TBX18: variants seen among roughly 807,000 people sequenced by gnomAD.
TBX18 encodes the protein T-box transcription factor TBX18.
Under a neutral mutation model 55.0 loss-of-function variants are expected in TBX18, and 21 were observed. The ratio of observed to expected loss-of-function variants is 0.38; its 90% CI spans 0.27 to 0.55. TBX18 has a LOEUF of 0.55. Among genes scored for constraint, TBX18 ranks in the 20% least tolerant of loss-of-function variants. TBX18 has a pLI of 0.73. For synonymous variants in TBX18, 342 were observed against 326.1 expected (o/e 1.05, Z -0.53); for missense variants, 840 against 799.6 (o/e 1.05, Z -0.61).
rs760773362 is a variant in TBX18, at chr6:84,764,028, C to G, written c.154G>C (p.Asp52His). 1.3e-6 allele frequency: 2 copies of G among 1,555,616 alleles called. No homozygotes were observed. The highest frequency in any genetic ancestry group is 1.9e-5 in the Admixed American group (1 of 53,574). ...GAEEAAGAVD[D>H]GGCSRGGGAG... ...CCGCCGCCGCGGCTGCAGCCTCCGT[C>G]GTCCACGGCCCCCGCCGCCTCTTCG... Residue 52 changes from aspartate (D) to histidine (H), a missense_variant, in exon 1 of 8, where the codon GAC (aspartate) becomes CAC (histidine). Coordinates refer to ENST00000369663, the MANE Select transcript of TBX18 (RefSeq NM_001080508.3).
chr6:84,744,142 C>A, intron 6 of TBX18, 119 bp downstream of exon 6: 1 of 918,512 alleles, frequency 1.1e-6, no homozygotes, highest in South Asian at 1.7e-5. Context: ...CAACAGTCCT[C>A]ATCAGAAATG....
At chr6:84,763,065 C>T in intron 1 of TBX18, 1 of 464,238 alleles carries the variant, frequency 2.2e-6, no homozygotes, top group Non-Finnish European at 3.9e-6. Flanking sequence ...GGCTTCACGC[C>T]GCCGCCGGGG....
In TBX18 at chr6:84,737,150, C is replaced by A. The variant is rs921815575; in HGVS notation, c.1359G>T (p.Arg453Ser). 1.9e-6 allele frequency: 3 copies of A among 1,613,964 alleles called. No homozygotes were observed. The African/African-American group carries it at 4.0e-5, about 22-fold the overall frequency. ...TGCTCACGCCCACATAGGAGGGAGT[C>A]CTGGGCGGGGCAAAGGTCTCACCAG... Reference protein sequence around the residue: ...NQAGETFAPPRTPSYVGVSSS... With the variant: ...NQAGETFAPPSTPSYVGVSSS... The change falls in exon 8 of 8, where the codon AGG (arginine) becomes AGT (serine). Residue 453 changes from arginine (R) to serine (S), a missense_variant. By Grantham distance (110) the Arg-to-Ser change is moderately radical. Coordinates refer to ENST00000369663, the MANE Select transcript of TBX18 (RefSeq NM_001080508.3).
At position 84,764,463 on chromosome 6, in the gene TBX18, G is replaced by A. The variant is rs1767761676; in HGVS notation, c.-282C>T. On this transcript the variant is annotated 5_prime_UTR_variant, in exon 1 of 8. Coordinates refer to ENST00000369663, the MANE Select transcript of TBX18 (RefSeq NM_001080508.3). The stretch of plus-strand genomic sequence containing the variant: ...GCTCCCACCCCTTCCACCTCCTCCT[G>A]CTGCTCCGAGGTCTGCCTCAACTGA... 2.5e-6 allele frequency: 1 copy of A among 406,006 alleles called. No homozygotes were observed. Among genetic ancestry groups the A allele is most frequent in the Non-Finnish European group, 4.3e-6 (1 of 231,070 alleles). 25.2% of individuals were successfully genotyped at this position (406,006 alleles called of 1,614,324 possible). A position where few individuals can be genotyped will look rare whatever the true frequency, so the allele number is the denominator to read the frequency against.
intron 2 of TBX18, among the ~76,000 whole-genome samples, chr6:84,760,726 C>A (rs544952976): frequency 2.0e-5 from 3 of 152,132 alleles, no homozygotes; most frequent in African/African-American, 7.2e-5. Flanking sequence ...GGTAGAAATA[C>A]AAAATTTGGA....
intron 4 of TBX18, among the ~76,000 whole-genome samples, chr6:84,755,856 A>G (rs1562264776): frequency 6.6e-6 from 1 of 152,202 alleles, no homozygotes; most frequent in African/African-American, 2.4e-5. Flanking sequence ...GACAACTTAC[A>G]TTTTGTTTTA....
intron 4 of TBX18, among the ~76,000 whole-genome samples, chr6:84,754,327 A>G (rs181186698): frequency 6.6e-6 from 1 of 152,262 alleles, no homozygotes; most frequent in African/African-American, 2.4e-5. Flanking sequence ...TTTCCCTCCT[A>G]CATCCTCCTC....
Position 84,734,518 on chromosome 6 carries a change from T to C in TBX18, c.*2167A>G, listed in dbSNP as rs1410147041. The C allele has an allele frequency of 1.3e-5, 2 of 152,626 alleles. No individual in the cohort carries two copies. Among genetic ancestry groups the C allele is most frequent in the African/African-American group, 2.4e-5 (1 of 41,460 alleles). 9.5% of individuals were successfully genotyped at this position (152,626 alleles called of 1,614,324 possible). A position where few individuals can be genotyped will look rare whatever the true frequency, so the allele number is the denominator to read the frequency against. Reference sequence around the variant, plus strand: ...AGATATATAATTATCAATGTATGCATGTCATTTAATTCAGCAATAAAAGGC... The same window carrying C: ...AGATATATAATTATCAATGTATGCACGTCATTTAATTCAGCAATAAAAGGC... On this transcript the variant is annotated 3_prime_UTR_variant, in exon 8 of 8. Transcript: ENST00000369663.
intron 4 of TBX18, among the ~76,000 whole-genome samples, chr6:84,748,535 G>A (rs772528504): frequency 8.6e-5 from 13 of 152,044 alleles, no homozygotes; most frequent in Non-Finnish European, 1.3e-4. Context: ...TCCCCAGTTC[G>A]TGACTACATA....
In TBX18 at chr6:84,738,595, A is replaced by C. The variant is rs1418494623; in HGVS notation, c.1005-4T>G. 6.2e-7 allele frequency: 1 copy of C among 1,611,718 alleles called. No individual in the cohort carries two copies. Among genetic ancestry groups the C allele is most frequent in the South Asian group, 1.1e-5 (1 of 91,006 alleles). Reference sequence around the variant, plus strand: ...CACCAAGGCTTCCAAACCCATTCTAAATGGAAAGGGTCAGGATAGGGGTGG... The same window carrying C: ...CACCAAGGCTTCCAAACCCATTCTACATGGAAAGGGTCAGGATAGGGGTGG... On this transcript the variant is annotated splice_polypyrimidine_tract_variant and splice_region_variant and intron_variant, in intron 6 of 7. Coordinates refer to ENST00000369663, the MANE Select transcript of TBX18 (RefSeq NM_001080508.3).
At chr6:84,755,764 T>A (rs1767470610) in intron 4 of TBX18, among the ~76,000 whole-genome samples, 1 of 152,240 alleles carries the variant, frequency 6.6e-6, no homozygotes, top group African/African-American at 2.4e-5. Flanking sequence ...AGTACTGGAA[T>A]GTTCTCATTA....
At chr6:84,759,669 T>C (rs1767593422) in intron 3 of TBX18, among the ~76,000 whole-genome samples, 1 of 152,000 alleles carries the variant, frequency 6.6e-6, no homozygotes, top group Admixed American at 6.6e-5. Context: ...TTTTTAAAAG[T>C]TATAACACAT....
At chr6:84,758,407 CAAAA>C (rs1217785377) in intron 3 of TBX18, among the ~76,000 whole-genome samples, 2 of 86,134 alleles carry the variant, frequency 2.3e-5, no homozygotes. Flanking sequence ...GACTCCATCT[CAAAA>C]AAAAAAAAAA....
At chr6:84,754,181 G>T (rs1767425843) in intron 4 of TBX18, among the ~76,000 whole-genome samples, 1 of 152,140 alleles carries the variant, frequency 6.6e-6, no homozygotes, top group African/African-American at 2.4e-5. Context: ...ACCTGCCTCG[G>T]CCTCCCAAAG....
Position 84,760,270 on chromosome 6 carries a change from T to C in TBX18, c.584A>G (p.Asp195Gly), listed in dbSNP as rs1335488938. The C allele has an allele frequency of 3.1e-6, 5 of 1,593,898 alleles. No homozygotes were observed. Among genetic ancestry groups the C allele is most frequent in the Non-Finnish European group, 3.4e-6 (4 of 1,168,992 alleles). ...ATCACTGTACCTGTATCTTTTGTTGTCCACTGGTACAATATCCATGGCAAT... is the reference window on the plus strand; with the variant it reads ...ATCACTGTACCTGTATCTTTTGTTGCCCACTGGTACAATATCCATGGCAAT... Reference protein sequence around the residue: ...YYIAMDIVPVDNKRYRYVYHS... With the variant: ...YYIAMDIVPVGNKRYRYVYHS... The change falls in exon 3 of 8, where the codon GAC (aspartate) becomes GGC (glycine). Residue 195 changes from aspartate (D) to glycine (G), a missense_variant. Physicochemically the swap from Asp to Gly is moderately conservative, Grantham distance 94. Transcript: ENST00000369663.
At chr6:84,760,507 G>T in intron 2 of TBX18, 151 bp from the exon 3 acceptor site, 1 of 529,088 alleles carries the variant, frequency 1.9e-6, no homozygotes, top group Non-Finnish European at 3.3e-6. Flanking sequence ...AAGGAGTCAG[G>T]ACATAGAACA....
In TBX18 at chr6:84,733,753, G is replaced by A. The variant is rs1439036711; in HGVS notation, c.*2932C>T. The A allele has an allele frequency of 6.6e-6, 1 of 152,160 alleles. No individual in the cohort carries two copies. Among genetic ancestry groups the A allele is most frequent in the African/African-American group, 2.4e-5 (1 of 41,434 alleles). The allele number at this position is 152,160 out of a possible 1,614,324, so 9.4% of individuals were successfully genotyped here. ...CTGTTTATTAATTTCACACTAAGGT[G>A]TGAGTTACTGGTAGGATTAAGTCTG... On this transcript the variant is annotated 3_prime_UTR_variant, in exon 8 of 8. Coordinates refer to ENST00000369663, the MANE Select transcript of TBX18 (RefSeq NM_001080508.3).
Position 84,741,335 on chromosome 6 carries a change from A to C in TBX18, c.1005-2744T>G, listed in dbSNP as rs1244022252. The C allele has an allele frequency of 4.7e-4, 71 of 152,210 alleles. 1 individual carries two copies. The highest frequency in any genetic ancestry group is 4.6e-3 in the Admixed American group (71 of 15,278). The allele number at this position is 152,210 out of a possible 1,614,324, so 9.4% of individuals were successfully genotyped here. A position where few individuals can be genotyped will look rare whatever the true frequency, so the allele number is the denominator to read the frequency against. On this transcript the variant is annotated intron_variant, in intron 6 of 7. Transcript: ENST00000369663. ...TTTATGCTATCAAATGGCCAAGTTT[A>C]TTTAGTAAAATGGTTATGTTTTTCC...
rs1185161655 is a variant in TBX18, at chr6:84,736,956, T to C, written c.1553A>G (p.Tyr518Cys). ...GGGGCTGTGTAATCTAAAAGTATTA[T>C]AGGAACCCTGATGGGTCTGGTTAGT... ...FATNQTHQGS[Y>C]NTFRLHSPCA... Residue 518 changes from tyrosine (Y) to cysteine (C), a missense_variant, in exon 8 of 8, where the codon TAT becomes TGT. Coordinates refer to ENST00000369663, the MANE Select transcript of TBX18 (RefSeq NM_001080508.3). 4 of 1,609,316 alleles carry C rather than the reference T, an allele frequency of 2.5e-6. No individual in the cohort carries two copies. Among genetic ancestry groups the C allele is most frequent in the Non-Finnish European group, 2.5e-6 (3 of 1,177,242 alleles).
Sources: gnomAD v4.1 joint callset for allele counts (sites outside exome capture counted in the v4.1 genomes callset) on GRCh38, gnomAD v4.1.1 for gene constraint, MANE v1.5 for transcripts, NCBI Gene and HGNC (gene_info 2026-07-23, HGNC 2026-07-21) for gene names.